PCDH15: variants seen among roughly 807,000 people sequenced by gnomAD.
The protein encoded by PCDH15 is protocadherin-15.
Under a neutral mutation model 178.5 loss-of-function variants are expected in PCDH15, and 129 were observed. The ratio of observed to expected loss-of-function variants is 0.72; its 90% CI spans 0.63 to 0.84. The LOEUF is 0.84. Ranked by LOEUF, PCDH15 falls within the 40% of genes least tolerant of loss-of-function variation. The pLI, the probability that PCDH15 is intolerant of heterozygous loss-of-function variation, is 0.00. For missense variants in PCDH15, 2,230 were observed against 2,099.9 expected, an observed-to-expected ratio of 1.06 and a Z score of -1.21; for synonymous variants, 800 against 732.0, an observed-to-expected ratio of 1.09 and a Z score of -1.50.
At chr10:54,795,017 G>A (rs886467354) in intron 1 of PCDH15, among the ~76,000 whole-genome samples, 1 of 151,642 alleles carries the variant, frequency 6.6e-6, no homozygotes, top group African/African-American at 2.4e-5. Context: ...CTTATAGCTA[G>A]GGATAGCCTT....
rs182931099 is a variant in PCDH15 at position 55,505,743 on chromosome 10, A to C, written c.-156+121882T>G. Among the ~76,000 whole-genome samples the C allele has an allele frequency of 7.3e-5, 11 of 151,558 alleles. No homozygotes were observed. The Admixed American group carries it at 7.3e-4, about 10-fold the overall frequency. On this transcript the variant is annotated intron_variant, in intron 2 of 5. Transcript: ENST00000613346. ...AGACTAGCACAATCTATTCCTTCAA[A>C]AGTTTTATATCCTACCTAAAATGAC... is the stretch of plus-strand genomic sequence containing the variant.
intron 20 of PCDH15, among the ~76,000 whole-genome samples, chr10:53,999,998 C>T (rs1032046743): frequency 9.2e-5 from 14 of 152,108 alleles, no homozygotes; most frequent in African/African-American, 3.4e-4. Context: ...TGGCTCCAAA[C>T]AGAGACACTC....
chr10:54,016,127 CAGA>C (rs1054383805), intron 20 of PCDH15, among the ~76,000 whole-genome samples: 2 of 151,994 alleles, frequency 1.3e-5, no homozygotes, highest in Admixed American at 6.6e-5. Context: ...GCACACTTTT[CAGA>C]AGAAGACATA....
At chr10:55,558,455 C>T (rs1233416989) in intron 2 of PCDH15, among the ~76,000 whole-genome samples, 5 of 152,080 alleles carry the variant, frequency 3.3e-5, no homozygotes, top group Non-Finnish European at 7.4e-5. Flanking sequence ...TGAACAAGAT[C>T]CTGCGCAATA....
At chr10:54,954,943 A>G (rs1838442685) in intron 2 of PCDH15, among the ~76,000 whole-genome samples, 1 of 151,282 alleles carries the variant, frequency 6.6e-6, no homozygotes, top group Non-Finnish European at 1.5e-5. Flanking sequence ...TTATACATAT[A>G]TGTACAAATG....
At chr10:53,815,748 A>T (rs1189758099) in intron 35 of PCDH15, among the ~76,000 whole-genome samples, 1 of 151,832 alleles carries the variant, frequency 6.6e-6, no homozygotes, top group Admixed American at 6.6e-5. Context: ...TATTTATTAT[A>T]CAAAAAATAT....
intron 3 of PCDH15, among the ~76,000 whole-genome samples, chr10:54,809,409 AAAATGAGACCGTTT>A (rs145339464): frequency 1.4e-3 from 208 of 152,300 alleles, no homozygotes; most frequent in Non-Finnish European, 2.5e-3. Flanking sequence ...ATTCCGGCAA[AAAATGAGACCGTTT>A]AAATGCTTCA....
At chr10:55,579,721 A>G (rs1274105364) in intron 2 of PCDH15, among the ~76,000 whole-genome samples, 2 of 152,192 alleles carry the variant, frequency 1.3e-5, no homozygotes, top group East Asian at 1.9e-4. Context: ...ATTGTAATCA[A>G]TATTAACCAA....
chr10:53,844,433 A>G (rs1271377590), intron 28 of PCDH15, among the ~76,000 whole-genome samples: 2 of 152,058 alleles, frequency 1.3e-5, no homozygotes, highest in Non-Finnish European at 2.9e-5. Context: ...TAAATATCAG[A>G]GCAGATATAA....
At chr10:54,682,905 C>T (rs1402371660) in intron 1 of PCDH15, among the ~76,000 whole-genome samples, 1 of 152,086 alleles carries the variant, frequency 6.6e-6, no homozygotes, top group Admixed American at 6.6e-5. Flanking sequence ...TGATAGCATA[C>T]TAAGGTGGAT....
chr10:54,917,395 G>C (rs1837364923), intron 2 of PCDH15, among the ~76,000 whole-genome samples: 1 of 152,132 alleles, frequency 6.6e-6, no homozygotes, highest in Non-Finnish European at 1.5e-5. Flanking sequence ...GAATAGTGAG[G>C]ACATCCTGTC....
At chr10:54,693,027 C>T (rs1337197540) in intron 1 of PCDH15, among the ~76,000 whole-genome samples, 2 of 151,954 alleles carry the variant, frequency 1.3e-5, no homozygotes, top group Non-Finnish European at 2.9e-5. Context: ...CAAGTTCCCT[C>T]CCCTCATACC....
chr10:54,360,094 C>T (rs1403581339), intron 5 of PCDH15, among the ~76,000 whole-genome samples: 2 of 152,048 alleles, frequency 1.3e-5, no homozygotes, highest in Non-Finnish European at 2.9e-5. Context: ...GCAAAAGTTA[C>T]ATTTGCCCTG....
At chr10:53,822,628 G>C (rs1403448668) in intron 32 of PCDH15, 1 of 1,614,056 alleles carries the variant, frequency 6.2e-7, no homozygotes, top group Non-Finnish European at 8.5e-7. Flanking sequence ...GAAGGAGAAA[G>C]TTCCAAGGAA....
chr10:54,309,355 A>ACACACT (rs958225757), intron 8 of PCDH15, among the ~76,000 whole-genome samples: 2 of 145,410 alleles, frequency 1.4e-5, no homozygotes, highest in East Asian at 4.0e-4. Context: ...ACACACACAC[A>ACACACT]CTTCACATAT....
chr10:54,840,543 T>C (rs1446024437), intron 3 of PCDH15, among the ~76,000 whole-genome samples: 2 of 151,814 alleles, frequency 1.3e-5, no homozygotes, highest in African/African-American at 2.4e-5. Flanking sequence ...AAAGGAAGTA[T>C]AAAACAGTCA....
chr10:55,149,840 A>G (rs558181877), intron 2 of PCDH15, among the ~76,000 whole-genome samples: 8 of 152,186 alleles, frequency 5.3e-5, no homozygotes, highest in African/African-American at 1.9e-4. Flanking sequence ...GAAATACATC[A>G]TGTTCTTAAT....
intron 2 of PCDH15, among the ~76,000 whole-genome samples, chr10:54,593,981 A>T (rs1233263535): frequency 6.6e-6 from 1 of 151,886 alleles, no homozygotes; most frequent in Non-Finnish European, 1.5e-5. Context: ...GAAGGCATTG[A>T]GAGCAGATAG....
At chr10:54,106,261 T>C (rs996766085) in intron 15 of PCDH15, among the ~76,000 whole-genome samples, 1 of 152,230 alleles carries the variant, frequency 6.6e-6, no homozygotes, top group Non-Finnish European at 1.5e-5. Context: ...AATTGGTAGA[T>C]TTTAGGGTAA....
Sources: gnomAD v4.1 joint callset for allele counts (sites outside exome capture counted in the v4.1 genomes callset) on GRCh38, gnomAD v4.1.1 for gene constraint, MANE v1.5 for transcripts, NCBI Gene and HGNC (gene_info 2026-07-23, HGNC 2026-07-21) for gene names.